The following STPG1 variants were observed in gnomAD, a reference collection of about 807,000 sequenced individuals.
STPG1 encodes the protein sperm tail PG-rich repeat containing 1, also known as O(6)-methylguanine-induced apoptosis 2.
STPG1 carries 33 observed loss-of-function variants against 40.1 expected under a neutral mutation model. The observed-to-expected ratio is 0.82, with a 90% confidence interval of 0.62 to 1.10. The LOEUF (loss-of-function observed/expected upper bound fraction) is 1.10. Among genes scored for constraint, STPG1 ranks in the 50% least tolerant of loss-of-function variants. STPG1 has a pLI of 0.00. For missense variants in STPG1, 396 were observed against 415.1 expected (o/e 0.95, Z 0.40); for synonymous variants, 150 against 155.0 (o/e 0.97, Z 0.24).
chr1:24,370,055 T>C (rs940816829), intron 6 of STPG1, among the ~76,000 whole-genome samples: 10 of 152,182 alleles, frequency 6.6e-5, no homozygotes, highest in African/African-American at 2.4e-4. Flanking sequence ...GTTCTCGCAC[T>C]AGCCTGGCAA....
chr1:24,404,635 G>C (rs1160934190), intron 1 of STPG1, among the ~76,000 whole-genome samples: 1 of 152,020 alleles, frequency 6.6e-6, no homozygotes, highest in Non-Finnish European at 1.5e-5. Context: ...CTTCTTAACC[G>C]AGCTTTGGTA....
At chr1:24,384,074 C>T in intron 3 of STPG1, 71 bp from the exon 4 acceptor site, 1 of 934,224 alleles carries the variant, frequency 1.1e-6, no homozygotes, top group Non-Finnish European at 1.8e-6. Flanking sequence ...GGCTTTACAT[C>T]CATTAACACT....
chr1:24,383,936 A>T lies in STPG1; in HGVS notation c.257T>A (p.Leu86Ter), dbSNP rs756002576. Residue 86 changes from leucine to a stop codon, truncating the protein, a stop_gained, in exon 4 of 9, where the codon TTG becomes TAG. Transcript: ENST00000337248. LOFTEE classifies it high-confidence loss of function. ...AAACATGCAAGTTCCTTTCTTGGAC[A>T]ATGAGACACTGTTGGACACCGGTGA... Reference protein sequence around the residue: ...HQSPVSNSVSLSKKGTCMFPS... With the variant: ...HQSPVSNSVS The T allele has an allele frequency of 6.2e-7, 1 of 1,614,002 alleles. No homozygotes were observed.
chr1:24,371,830 G>A (rs1356723759), intron 6 of STPG1, among the ~76,000 whole-genome samples: 1 of 152,206 alleles, frequency 6.6e-6, no homozygotes, highest in Non-Finnish European at 1.5e-5. Flanking sequence ...AGGAAGCTGG[G>A]GTGGAGGGTG....
chr1:24,362,521 A>G (rs1569968585), intron 7 of STPG1, among the ~76,000 whole-genome samples: 1 of 152,236 alleles, frequency 6.6e-6, no homozygotes, highest in South Asian at 2.1e-4. Context: ...CAATGACACT[A>G]ACTTTATAAA....
At position 24,395,489 on chromosome 1, in the gene STPG1, A is replaced by G. The variant is rs192220893; in HGVS notation, c.71-3810T>C. Among the ~76,000 whole-genome samples, 69 of 144,710 alleles carry G rather than the reference A, an allele frequency of 4.8e-4. No individual in the cohort carries two copies. In the Middle Eastern group the frequency reaches 0.011, roughly 23 times the overall value. The allele number at this position is 144,710 out of a possible 152,430, so 94.9% of individuals were successfully genotyped here. On this transcript the variant is annotated intron_variant, in intron 2 of 8. Transcript: ENST00000337248. ...GTTCTTGCGCCCAGGCTGGAGTGCA[A>G]TGGCGCTATCTCGGCTCACTGCAAG...
chr1:24,389,074 G>A (rs1224671028), intron 3 of STPG1, among the ~76,000 whole-genome samples: 2 of 152,086 alleles, frequency 1.3e-5, no homozygotes, highest in Non-Finnish European at 1.5e-5. Context: ...CAAGTAACAC[G>A]ACCACATTTA....
chr1:24,371,151 T>C (rs2148686870), intron 6 of STPG1, among the ~76,000 whole-genome samples: 1 of 152,308 alleles, frequency 6.6e-6, no homozygotes, highest in Middle Eastern at 3.4e-3. Context: ...ACCACTCTAT[T>C]CATATTAGCA....
chr1:24,364,821 A>C (rs141205632), intron 7 of STPG1, among the ~76,000 whole-genome samples: 27 of 152,330 alleles, frequency 1.8e-4, no homozygotes, highest in Non-Finnish European at 3.1e-4. Context: ...GTGGAAAGAA[A>C]ACATCTATCA....
intron 3 of STPG1, among the ~76,000 whole-genome samples, chr1:24,390,752 T>C (rs1428911722): frequency 1.3e-5 from 2 of 151,858 alleles, no homozygotes; most frequent in Non-Finnish European, 2.9e-5. Context: ...TTTTTTTGTT[T>C]TTTGTTTTTT....
At chr1:24,395,593 C>T (rs942435525) in intron 2 of STPG1, among the ~76,000 whole-genome samples, 4 of 151,690 alleles carry the variant, frequency 2.6e-5, no homozygotes, top group East Asian at 1.9e-4. Context: ...CCACCGCGCC[C>T]GGCTAATTTT....
chr1:24,398,916 T>A (rs749806208), intron 2 of STPG1, among the ~76,000 whole-genome samples: 60 of 152,186 alleles, frequency 3.9e-4, no homozygotes, highest in Admixed American at 1.9e-3. Flanking sequence ...TTAAATTGAT[T>A]TCTAGAATCA....
At chr1:24,411,974 C>T (rs1191307781) in intron 1 of STPG1, 1 of 152,056 alleles carries the variant, frequency 6.6e-6, no homozygotes, top group Admixed American at 6.6e-5. Context: ...CTTTTTCTAT[C>T]CGTCCTAATT....
At chr1:24,365,683 C>T (rs911266637) in intron 7 of STPG1, among the ~76,000 whole-genome samples, 8 of 152,240 alleles carry the variant, frequency 5.3e-5, no homozygotes, top group African/African-American at 1.9e-4. Context: ...CGCTCACCTG[C>T]TTTGATAAAA....
chr1:24,386,768 G>A (rs1400641737), intron 3 of STPG1, among the ~76,000 whole-genome samples: 7 of 152,186 alleles, frequency 4.6e-5, no homozygotes, highest in East Asian at 1.9e-4. Flanking sequence ...CCCAGAGAAC[G>A]AGAATCCAAG....
chr1:24,374,833 C>T (rs1641947041), intron 5 of STPG1, among the ~76,000 whole-genome samples: 2 of 151,354 alleles, frequency 1.3e-5, no homozygotes, highest in Non-Finnish European at 2.9e-5. Context: ...ACCATGTTGC[C>T]TAGGCTGGTC....
At chr1:24,365,233 C>T (rs1455752976) in intron 7 of STPG1, among the ~76,000 whole-genome samples, 1 of 152,198 alleles carries the variant, frequency 6.6e-6, no homozygotes, top group Non-Finnish European at 1.5e-5. Flanking sequence ...TCAGCTCTAG[C>T]TGTGACAAGA....
intron 2 of STPG1, among the ~76,000 whole-genome samples, chr1:24,397,196 G>C (rs1643040839): frequency 5.3e-5 from 8 of 152,040 alleles, no homozygotes; most frequent in Admixed American, 5.2e-4. Context: ...AGCAGAAACT[G>C]ATAAAACTGC....
intron 2 of STPG1, among the ~76,000 whole-genome samples, chr1:24,395,343 C>G (rs1330524518): frequency 6.6e-6 from 1 of 151,168 alleles, no homozygotes; most frequent in East Asian, 1.9e-4. Context: ...AGTAGGAAAT[C>G]TGAATCACAT....
Sources: allele counts gnomAD v4.1 joint callset (sites outside exome capture counted in the v4.1 genomes callset), GRCh38; gene constraint gnomAD v4.1.1; transcripts MANE v1.5; gene names NCBI Gene and HGNC (gene_info 2026-07-23, HGNC 2026-07-21).